Variants in ITGA11 observed in about 807,000 individuals in gnomAD.
ITGA11 encodes the protein integrin alpha-11.
Under a neutral mutation model 141.9 loss-of-function variants are expected in ITGA11, and 97 were observed. That is an observed-to-expected ratio of 0.68 (90% CI 0.58 to 0.81). ITGA11 has a LOEUF of 0.81. Ranked by LOEUF, ITGA11 falls within the 30% of genes least tolerant of loss-of-function variation. ITGA11 has a pLI of 0.00. For missense variants in ITGA11, 1,387 were observed against 1,559.2 expected (o/e 0.89, Z 1.86); for synonymous variants, 658 against 624.6 (o/e 1.05, Z -0.80).
At chr15:68,375,073 G>A (rs1262637324) in intron 2 of ITGA11, among the ~76,000 whole-genome samples, 1 of 152,116 alleles carries the variant, frequency 6.6e-6, no homozygotes, top group Admixed American at 6.5e-5. Flanking sequence ...AGAAGTGGAA[G>A]GCTCAGTGCT....
At chr15:68,380,388 C>T (rs1895829977) in intron 2 of ITGA11, among the ~76,000 whole-genome samples, 1 of 152,212 alleles carries the variant, frequency 6.6e-6, no homozygotes, top group South Asian at 2.1e-4. Context: ...GGGACTTGGA[C>T]ACATTCTGTT....
chr15:68,339,519 C>A lies in ITGA11; in HGVS notation c.1257G>T (p.Lys419Asn). The A allele has an allele frequency of 6.2e-7, 1 of 1,613,656 alleles. No individual in the cohort carries two copies. Among genetic ancestry groups the A allele is most frequent in the Non-Finnish European group, 8.5e-7 (1 of 1,179,762 alleles). Residue 419 changes from lysine to asparagine, a missense_variant, in exon 11 of 30, where the codon AAG becomes AAT. By Grantham distance (94) the Lys-to-Asn change is moderately conservative. Transcript: ENST00000315757. ...TCTTACCCAGGTATGCACCATGGTT[C>A]TTGAGCTCCTCGGGGAACTCTTTCA... ...SYLKEFPEEL[K>N]NHGAYLGYTV...
chr15:68,350,918 C>A, intron 8 of ITGA11, 136 bp from the exon 9 acceptor site: 2 of 837,994 alleles, frequency 2.4e-6, no homozygotes, highest in Non-Finnish European at 3.7e-6. Context: ...CTCGCAATGC[C>A]ATTTGCATTT....
rs1351086214 is a variant in ITGA11 at position 68,322,799 on chromosome 15, A to T, written c.2323-1296T>A. Among the ~76,000 whole-genome samples the T allele has an allele frequency of 2.6e-5, 4 of 151,722 alleles. No individual in the cohort carries two copies. Among genetic ancestry groups the T allele is most frequent in the African/African-American group, 4.9e-5 (2 of 41,232 alleles). On this transcript the variant is annotated intron_variant, in intron 18 of 29. Transcript: ENST00000315757. The surrounding 1 kb of genome is among the most constrained non-coding windows in gnomAD (Gnocchi z 5.6). ...TTGCTTGAACTCAGGCAGAGGCTGC[A>T]GTGGGCCAAGATCGTGCCACTACAC...
In ITGA11 at chr15:68,328,157, C is replaced by T. The variant is rs377659699; in HGVS notation, c.2007G>A (p.Leu669=). 4.3e-6 allele frequency: 7 copies of T among 1,613,754 alleles called. No homozygotes were observed. Among genetic ancestry groups the T allele is most frequent in the African/African-American group, 4.0e-5 (3 of 74,992 alleles). ...TGGGCGTGAAGCAGAGGAAGGCGGC[C>T]AGGCAGGTGGCATCCCTGCCACTGC... ...CKRSGRDATC[L]AAFLCFTPIF... Residue 669 remains leucine (L), a synonymous_variant, in exon 16 of 30, where the codon CTG becomes CTA. Transcript: ENST00000315757. The surrounding 1 kb of genome is among the most constrained non-coding windows in gnomAD (Gnocchi z 4.8).
At chr15:68,361,447 A>G in intron 5 of ITGA11, 143 bp downstream of exon 5, 2 of 616,752 alleles carry the variant, frequency 3.2e-6, no homozygotes, top group Non-Finnish European at 2.9e-6. Flanking sequence ...GGAGTGATAC[A>G]TTCCAGGTCA....
chr15:68,361,548 G>T, intron 5 of ITGA11, 42 bp downstream of exon 5: 1 of 1,328,566 alleles, frequency 7.5e-7, no homozygotes, highest in Non-Finnish European at 1.1e-6. Flanking sequence ...TCTCTGGACT[G>T]TCCACTGCTC....
chr15:68,426,201 C>A (rs1214535343), intron 1 of ITGA11, among the ~76,000 whole-genome samples: 1 of 152,222 alleles, frequency 6.6e-6, no homozygotes, highest in African/African-American at 2.4e-5. Flanking sequence ...AAGGCACAGC[C>A]AGTTGAAATG....
intron 3 of ITGA11, 31 bp from the exon 4 acceptor site, chr15:68,364,829 C>T (rs1446468258): frequency 6.3e-7 from 1 of 1,587,758 alleles, no homozygotes; most frequent in Non-Finnish European, 8.6e-7. Context: ...CAGCTTGCAG[C>T]CCCCTCCTGC....
At chr15:68,311,181 T>TGGTCCTGG in intron 25 of ITGA11, 101 bp from the exon 26 acceptor site, 1 of 1,269,588 alleles carries the variant, frequency 7.9e-7, no homozygotes, top group Non-Finnish European at 1.1e-6. Context: ...CCTCTAGCCG[T>TGGTCCTGG]GGTCCTGGGA....
chr15:68,315,092 T>C (rs1893527773), intron 22 of ITGA11, among the ~76,000 whole-genome samples: 1 of 152,038 alleles, frequency 6.6e-6, no homozygotes, highest in Non-Finnish European at 1.5e-5. Context: ...AAGACCCACA[T>C]AGAGTAAGAA....
Position 68,419,310 on chromosome 15 carries a change from A to C in ITGA11, c.52+12705T>G, listed in dbSNP as rs11852717. On this transcript the variant is annotated intron_variant, in intron 1 of 29. Coordinates refer to ENST00000315757, the MANE Select transcript of ITGA11 (RefSeq NM_001004439.2). ...CTACTTTTAGGTCCTTAAAGGAGTC[A>C]AGGGCTCATGACTCCATCTGCCTTT... 2.6e-5 allele frequency among the ~76,000 whole-genome samples: 4 copies of C among 152,034 alleles called. No individual in the cohort carries two copies. In the East Asian group the frequency reaches 7.7e-4, roughly 29 times the overall value.
At chr15:68,347,126 A>G (rs1894766128) in intron 10 of ITGA11, among the ~76,000 whole-genome samples, 1 of 152,180 alleles carries the variant, frequency 6.6e-6, no homozygotes, top group Admixed American at 6.5e-5. Context: ...TTTTCTAATC[A>G]GCTCTGACGT....
chr15:68,310,663 C>T (rs1893349363), intron 26 of ITGA11, among the ~76,000 whole-genome samples: 1 of 152,200 alleles, frequency 6.6e-6, no homozygotes, highest in Non-Finnish European at 1.5e-5. Flanking sequence ...CCCTCTGCCT[C>T]TCTGTATCCT....
intron 7 of ITGA11, 147 bp from the exon 8 acceptor site, chr15:68,351,549 T>A: frequency 1.3e-6 from 1 of 745,830 alleles, no homozygotes; most frequent in Non-Finnish European, 2.2e-6. Context: ...ACCAAAGAAG[T>A]AGCTGGATTG....
At chr15:68,430,985 C>T (rs1346085120) in intron 1 of ITGA11, among the ~76,000 whole-genome samples, 2 of 152,254 alleles carry the variant, frequency 1.3e-5, no homozygotes, top group African/African-American at 4.8e-5. Context: ...CTACTGGCCC[C>T]AGCTCGGGCC....
intron 21 of ITGA11, 57 bp downstream of exon 21, chr15:68,317,208 T>G (rs537970183): frequency 7.9e-7 from 1 of 1,270,686 alleles, no homozygotes; most frequent in South Asian, 1.2e-5. Context: ...CTCCCCAAAC[T>G]ACCTGTGCCT....
chr15:68,370,840 C>A (rs922459696), intron 2 of ITGA11, among the ~76,000 whole-genome samples: 1 of 152,138 alleles, frequency 6.6e-6, no homozygotes, highest in African/African-American at 2.4e-5. Context: ...CACATGCCAG[C>A]GGAGTTAGAT....
intron 16 of ITGA11, among the ~76,000 whole-genome samples, chr15:68,327,818 G>A (rs1894028577): frequency 6.6e-6 from 1 of 152,170 alleles, no homozygotes; most frequent in Non-Finnish European, 1.5e-5. Flanking sequence ...CATCAGTCCT[G>A]TGCTCTGATC....
Sources: gnomAD v4.1 joint callset for allele counts (sites outside exome capture counted in the v4.1 genomes callset) on GRCh38, gnomAD v4.1.1 for gene constraint, Gnocchi (gnomAD v3.1) non-coding constraint, MANE v1.5 for transcripts, NCBI Gene and HGNC (gene_info 2026-07-23, HGNC 2026-07-21) for gene names.